The following WDR64 variants were observed in gnomAD, a reference collection of about 807,000 sequenced individuals.
The protein encoded by WDR64 is WD repeat-containing protein 64.
Under a neutral mutation model 139.3 loss-of-function variants are expected in WDR64, and 112 were observed. The ratio of observed to expected loss-of-function variants is 0.80; its 90% confidence interval spans 0.69 to 0.94. The LOEUF is 0.94. Among genes scored for constraint, WDR64 ranks in the 40% least tolerant of loss-of-function variants. The probability of loss-of-function intolerance (pLI) is 0.00; values close to 1 mark genes in which losing one functional copy is unlikely to be tolerated. For missense variants in WDR64, 1,206 were observed against 1,293.1 expected (o/e 0.93, Z 1.03); for synonymous variants, 444 against 437.7 (o/e 1.01, Z -0.18).
intron 9 of WDR64, among the ~76,000 whole-genome samples, chr1:241,717,997 G>A (rs10802981): frequency 0.61 from 92,267 of 151,928 alleles, 28,435 homozygotes; most frequent in Middle Eastern, 0.67. Context: ...CATTTTATAG[G>A]TAAGAAAACT....
At chr1:241,783,971 C>T (rs903308082) in intron 23 of WDR64, among the ~76,000 whole-genome samples, 6 of 152,076 alleles carry the variant, frequency 3.9e-5, no homozygotes, top group East Asian at 1.9e-4. Flanking sequence ...ATGAATTATC[C>T]GCTTAAAAGA....
chr1:241,660,322 T>C (rs1242210532), intron 1 of WDR64, among the ~76,000 whole-genome samples: 1 of 152,202 alleles, frequency 6.6e-6, no homozygotes, highest in Non-Finnish European at 1.5e-5. Flanking sequence ...AGCCTTATAG[T>C]ATAGTTTGAA....
At chr1:241,792,258 CG>C (rs984183903) in intron 25 of WDR64, among the ~76,000 whole-genome samples, 1 of 152,126 alleles carries the variant, frequency 6.6e-6, no homozygotes, top group African/African-American at 2.4e-5. Flanking sequence ...ATACAGGGGC[CG>C]GGTGCGGTGG....
At chr1:241,702,375 T>C (rs1043230151) in intron 8 of WDR64, among the ~76,000 whole-genome samples, 10 of 152,166 alleles carry the variant, frequency 6.6e-5, no homozygotes, top group Non-Finnish European at 4.4e-5. Context: ...CTTTAAATGG[T>C]AATGAATATA....
At chr1:241,658,235 T>A (rs920822864) in intron 1 of WDR64, among the ~76,000 whole-genome samples, 2 of 151,854 alleles carry the variant, frequency 1.3e-5, no homozygotes, top group Admixed American at 1.3e-4. Flanking sequence ...GATTCAATAG[T>A]CTTACCCCAG....
Position 241,772,935 on chromosome 1 carries a change from A to G in WDR64, c.2430+4A>G, listed in dbSNP as rs1195959998. ...CCTCCGCTTGTGGACTCTGGAGGTA[A>G]TGGAACCCAGCAAGTCTGGGAATAG... On this transcript the variant is annotated splice_donor_region_variant and intron_variant, in intron 20 of 27. Transcript: ENST00000437684. The G allele has an allele frequency of 6.5e-7, 1 of 1,548,366 alleles. No individual in the cohort carries two copies. Among genetic ancestry groups the G allele is most frequent in the Non-Finnish European group, 8.7e-7 (1 of 1,145,324 alleles).
At chr1:241,736,258 T>C (rs1669319547) in intron 10 of WDR64, among the ~76,000 whole-genome samples, 1 of 152,138 alleles carries the variant, frequency 6.6e-6, no homozygotes, top group East Asian at 1.9e-4. Flanking sequence ...CTTGTTTGGA[T>C]CTAGGGAGAT....
At chr1:241,708,534 G>A (rs187344770) in intron 8 of WDR64, among the ~76,000 whole-genome samples, 13 of 152,120 alleles carry the variant, frequency 8.5e-5, no homozygotes, top group Middle Eastern at 3.4e-3. Flanking sequence ...GGCTGGTCTC[G>A]ACCTCCTGAC....
intron 2 of WDR64, among the ~76,000 whole-genome samples, chr1:241,667,622 G>A (rs919313951): frequency 5.9e-5 from 9 of 152,096 alleles, no homozygotes; most frequent in South Asian, 2.1e-4. Flanking sequence ...TGAGACATAG[G>A]AGGGCCCATG....
chr1:241,783,665 A>G (rs1426427561), intron 23 of WDR64, among the ~76,000 whole-genome samples: 10 of 152,214 alleles, frequency 6.6e-5, no homozygotes, highest in Non-Finnish European at 1.2e-4. Context: ...CAAAGAATTA[A>G]GCAAGATAGC....
chr1:241,779,466 C>T (rs10926575), intron 21 of WDR64, among the ~76,000 whole-genome samples: 26,267 of 152,104 alleles, frequency 0.17, 2,634 homozygotes, highest in African/African-American at 0.26. Context: ...TCTAAAAGAA[C>T]TCTAAGTGGG....
chr1:241,712,720 T>C (rs911986419), intron 9 of WDR64, among the ~76,000 whole-genome samples: 1 of 152,206 alleles, frequency 6.6e-6, no homozygotes, highest in African/African-American at 2.4e-5. Context: ...GGTTTACACC[T>C]GTAATCTCAG....
intron 10 of WDR64, among the ~76,000 whole-genome samples, chr1:241,731,657 G>A (rs753679467): frequency 2.0e-4 from 30 of 152,148 alleles, no homozygotes; most frequent in Non-Finnish European, 3.7e-4. Flanking sequence ...TGGGGAGGAG[G>A]ACTTTCGTTT....
chr1:241,660,948 C>T (rs1665810495), intron 2 of WDR64, among the ~76,000 whole-genome samples: 1 of 152,134 alleles, frequency 6.6e-6, no homozygotes, highest in Non-Finnish European at 1.5e-5. Flanking sequence ...TTTTAATGGT[C>T]GTCATTTCAC....
At chr1:241,789,606 C>A (rs1659154387) in intron 24 of WDR64, among the ~76,000 whole-genome samples, 2 of 152,138 alleles carry the variant, frequency 1.3e-5, no homozygotes, top group South Asian at 4.1e-4. Flanking sequence ...AGGCTATTAT[C>A]CTTAGCAAAC....
intron 8 of WDR64, among the ~76,000 whole-genome samples, chr1:241,711,026 C>T (rs996509374): frequency 3.3e-5 from 5 of 152,094 alleles, no homozygotes; most frequent in Admixed American, 1.3e-4. Context: ...CACCTGAGGT[C>T]GGGAGTTTGA....
intron 14 of WDR64, among the ~76,000 whole-genome samples, 185 bp downstream of exon 14, chr1:241,749,907 T>C (rs2148262745): frequency 6.6e-6 from 1 of 152,102 alleles, no homozygotes; most frequent in East Asian, 1.9e-4. Flanking sequence ...CAAAAAACAA[T>C]CGCTGCCCAG....
chr1:241,652,662 G>C (rs187975837), intron 1 of WDR64, 33 bp downstream of exon 1: 19 of 1,546,848 alleles, frequency 1.2e-5, no homozygotes, highest in Non-Finnish European at 1.6e-5. Flanking sequence ...AGTCCAATTG[G>C]GTCTGTTGGT....
intron 2 of WDR64, among the ~76,000 whole-genome samples, chr1:241,663,915 A>AT (rs751626491): frequency 3.3e-5 from 5 of 152,048 alleles, no homozygotes; most frequent in South Asian, 2.1e-4. Flanking sequence ...AATCATAGCT[A>AT]TTTTTTTTGT....
Sources: allele counts gnomAD v4.1 joint callset (sites outside exome capture counted in the v4.1 genomes callset), GRCh38; gene constraint gnomAD v4.1.1; transcripts MANE v1.5; gene names NCBI Gene and HGNC (gene_info 2026-07-23, HGNC 2026-07-21).